DPYD: variants seen among roughly 807,000 people sequenced by gnomAD.
DPYD encodes dihydropyrimidine dehydrogenase.
In DPYD, 109 loss-of-function variants were observed where a neutral mutation model predicts 116.2. The ratio of observed to expected loss-of-function variants is 0.94; its 90% confidence interval spans 0.80 to 1.10. DPYD has a LOEUF of 1.10. DPYD is among the 50% of genes least tolerant of loss of function. The pLI is 0.00. For synonymous variants in DPYD, 440 were observed against 432.0 expected (o/e 1.02, Z -0.23); for missense variants, 1,302 against 1,254.5 (o/e 1.04, Z -0.57).
intron 16 of DPYD, among the ~76,000 whole-genome samples, chr1:97,326,855 G>A (rs899934304): frequency 1.3e-5 from 2 of 151,796 alleles, no homozygotes; most frequent in Admixed American, 6.6e-5. Context: ...CATAAAATAC[G>A]TATAAAACAA....
chr1:97,715,810 C>T (rs1185034250), intron 5 of DPYD, among the ~76,000 whole-genome samples: 1 of 152,024 alleles, frequency 6.6e-6, no homozygotes, highest in Admixed American at 6.6e-5. Flanking sequence ...CTCCACTCTT[C>T]TATTTGATAG....
chr1:97,829,809 T>G (rs1669437560), intron 2 of DPYD, among the ~76,000 whole-genome samples: 1 of 152,054 alleles, frequency 6.6e-6, no homozygotes, highest in Admixed American at 6.6e-5. Context: ...GCAGTTTTGT[T>G]ACATAGGTAT....
intron 18 of DPYD, among the ~76,000 whole-genome samples, chr1:97,255,868 G>A (rs555960286): frequency 2.7e-4 from 41 of 152,126 alleles, no homozygotes; most frequent in Non-Finnish European, 5.0e-4. Flanking sequence ...CAGCAGAACA[G>A]CAGACTATCT....
At position 97,573,071 on chromosome 1, in the gene DPYD, T is replaced by C. The variant is rs114039816; in HGVS notation, c.1339+689A>G. ...AATGTGAATTAAAAGGTAAAAGGAT[T>C]TGTAAAATGAAAGTACCTAGATACA... On this transcript the variant is annotated intron_variant, in intron 11 of 22. Transcript: ENST00000370192. Among the ~76,000 whole-genome samples, 622 of 152,116 alleles carry C rather than the reference T, an allele frequency of 4.1e-3. 8 individuals carry two copies. Among genetic ancestry groups the C allele is most frequent in the African/African-American group, 0.015 (604 of 41,526 alleles).
intron 2 of DPYD, among the ~76,000 whole-genome samples, chr1:97,865,865 T>C (rs1049103681): frequency 2.0e-5 from 3 of 152,062 alleles, no homozygotes; most frequent in Admixed American, 1.3e-4. Flanking sequence ...GGCATATATT[T>C]GAAATTAATA....
intron 20 of DPYD, among the ~76,000 whole-genome samples, chr1:97,115,566 CT>C (rs1570480671): frequency 1.3e-5 from 2 of 152,220 alleles, no homozygotes; most frequent in South Asian, 4.1e-4. Context: ...TTTTATTATA[CT>C]TATGTATTTT....
intron 18 of DPYD, among the ~76,000 whole-genome samples, chr1:97,265,005 A>T (rs1465037557): frequency 1.3e-5 from 2 of 149,162 alleles, no homozygotes; most frequent in African/African-American, 2.5e-5. Context: ...CTTCAATTTT[A>T]CCCCAATAGA....
intron 20 of DPYD, among the ~76,000 whole-genome samples, chr1:97,183,750 T>G (rs945725500): frequency 9.2e-5 from 14 of 152,172 alleles, no homozygotes; most frequent in African/African-American, 3.4e-4. Context: ...CTTTAATTTT[T>G]CTTCAGCAGT....
chr1:97,655,312 T>C (rs1456349288), intron 8 of DPYD, among the ~76,000 whole-genome samples: 1 of 152,218 alleles, frequency 6.6e-6, no homozygotes, highest in Non-Finnish European at 1.5e-5. Flanking sequence ...ACTGCACAGC[T>C]CACACAAAAG....
intron 12 of DPYD, chr1:97,545,863 C>A: frequency 9.2e-7 from 1 of 1,085,724 alleles, no homozygotes; most frequent in Non-Finnish European, 1.4e-6. Flanking sequence ...AGAGGACAAT[C>A]TTAGACAGGT....
At chr1:97,082,965 G>A (rs1351252656) in intron 21 of DPYD, among the ~76,000 whole-genome samples, 2 of 152,088 alleles carry the variant, frequency 1.3e-5, no homozygotes, top group South Asian at 4.1e-4. Flanking sequence ...AAAGTGCTGT[G>A]ATAGAATACT....
intron 11 of DPYD, among the ~76,000 whole-genome samples, chr1:97,565,746 A>C (rs1267544792): frequency 6.6e-6 from 1 of 152,018 alleles, no homozygotes; most frequent in African/African-American, 2.4e-5. Context: ...TGACTCTTTT[A>C]CTTGTGTCTG....
At chr1:97,730,608 A>C (rs1663537489) in intron 4 of DPYD, among the ~76,000 whole-genome samples, 1 of 152,162 alleles carries the variant, frequency 6.6e-6, no homozygotes, top group African/African-American at 2.4e-5. Flanking sequence ...TTATCAATTA[A>C]ATAACATGAA....
chr1:97,183,019 T>C (rs1447605789), intron 20 of DPYD, among the ~76,000 whole-genome samples: 2 of 152,114 alleles, frequency 1.3e-5, no homozygotes, highest in African/African-American at 2.4e-5. Context: ...TTTTGATGAG[T>C]ATGTTAATTG....
At chr1:97,566,451 T>G (rs1367326949) in intron 11 of DPYD, among the ~76,000 whole-genome samples, 2 of 152,200 alleles carry the variant, frequency 1.3e-5, no homozygotes, top group Non-Finnish European at 2.9e-5. Context: ...TATACCGGAC[T>G]GATTACTTTA....
At chr1:97,305,967 T>C (rs1002727819) in intron 17 of DPYD, among the ~76,000 whole-genome samples, 1 of 152,002 alleles carries the variant, frequency 6.6e-6, no homozygotes, top group African/African-American at 2.4e-5. Flanking sequence ...AAGGATCTTG[T>C]GTTTCCAGAT....
intron 20 of DPYD, among the ~76,000 whole-genome samples, chr1:97,117,078 C>T (rs558278050): frequency 4.6e-5 from 7 of 151,386 alleles, no homozygotes; most frequent in South Asian, 4.2e-4. Context: ...GTAAGAGAAT[C>T]GCTTGAACCC....
chr1:97,563,654 T>TG (rs1395864589), intron 11 of DPYD, among the ~76,000 whole-genome samples: 1 of 152,176 alleles, frequency 6.6e-6, no homozygotes, highest in African/African-American at 2.4e-5. Flanking sequence ...AGCTATTCAC[T>TG]GGGGAAACAA....
chr1:97,098,253 A>C (rs1318125444), intron 21 of DPYD, among the ~76,000 whole-genome samples: 2 of 152,142 alleles, frequency 1.3e-5, no homozygotes, highest in East Asian at 3.9e-4. Context: ...AATGTATATA[A>C]AAATTTCCAT....
Sources: allele counts gnomAD v4.1 joint callset (sites outside exome capture counted in the v4.1 genomes callset), GRCh38; gene constraint gnomAD v4.1.1; transcripts MANE v1.5; gene names NCBI Gene and HGNC (gene_info 2026-07-23, HGNC 2026-07-21).